Variants in HCN1 observed in about 807,000 individuals in gnomAD.
HCN1 encodes the protein potassium/sodium hyperpolarization-activated cyclic nucleotide-gated channel 1.
HCN1 carries 13 observed loss-of-function variants against 78.9 expected under a neutral mutation model. The ratio of observed to expected loss-of-function variants is 0.16; its 90% CI spans 0.11 to 0.26. The LOEUF (loss-of-function observed/expected upper bound fraction) is 0.26, where lower values mean the gene tolerates loss of function less well. HCN1 is among the 10% of genes least tolerant of loss of function. The probability of loss-of-function intolerance (pLI) is 1.00; values close to 1 mark genes in which losing one functional copy is unlikely to be tolerated. For missense variants in HCN1, 810 were observed against 1,154.3 expected, an observed-to-expected ratio of 0.70 and a Z score of 4.32; for synonymous variants, 552 against 455.5, an observed-to-expected ratio of 1.21 and a Z score of -2.70.
intron 5 of HCN1, among the ~76,000 whole-genome samples, chr5:45,341,776 A>T (rs974799027): frequency 1.1e-4 from 17 of 152,266 alleles, no homozygotes; most frequent in African/African-American, 4.1e-4. Flanking sequence ...ACATCTGCTT[A>T]TTATGAGAAT....
intron 4 of HCN1, among the ~76,000 whole-genome samples, chr5:45,379,121 C>T (rs1198382299): frequency 6.6e-6 from 1 of 152,048 alleles, no homozygotes; most frequent in East Asian, 1.9e-4. Context: ...ATTTATAATC[C>T]TTTGGGTATA....
At chr5:45,549,887 A>G (rs1444770541) in intron 2 of HCN1, among the ~76,000 whole-genome samples, 2 of 152,346 alleles carry the variant, frequency 1.3e-5, no homozygotes, top group Admixed American at 1.3e-4. Context: ...GCCAACAGAC[A>G]CATGAAAAAA....
intron 2 of HCN1, among the ~76,000 whole-genome samples, chr5:45,488,257 T>C (rs567450379): frequency 2.0e-5 from 3 of 152,264 alleles, no homozygotes; most frequent in African/African-American, 7.2e-5. Flanking sequence ...ATTGATTTCA[T>C]GAAATTATGT....
chr5:45,600,491 A>T (rs557031099), intron 2 of HCN1, among the ~76,000 whole-genome samples: 2 of 152,240 alleles, frequency 1.3e-5, no homozygotes, highest in Non-Finnish European at 2.9e-5. Context: ...AACCTGTGAA[A>T]ATATTCTTTT....
At chr5:45,655,838 A>T (rs1007805374) in intron 1 of HCN1, among the ~76,000 whole-genome samples, 1 of 152,176 alleles carries the variant, frequency 6.6e-6, no homozygotes, top group African/African-American at 2.4e-5. Flanking sequence ...CCACAAAGAT[A>T]TCTCACTGGT....
In HCN1 at chr5:45,259,407, T is replaced by C. The variant is rs1744685653; in HGVS notation, c.*2514A>G. 1 of 152,406 alleles carries C rather than the reference T, an allele frequency of 6.6e-6. No homozygotes were observed. Among genetic ancestry groups the C allele is most frequent in the Non-Finnish European group, 1.5e-5 (1 of 67,920 alleles). The allele number at this position is 152,406 out of a possible 1,614,324, so 9.4% of individuals were successfully genotyped here. ...ATCTTTCCAGCAGCAGAAAGACCAA[T>C]GAATAATACATTTCTTTCTGTACAG... On this transcript the variant is annotated 3_prime_UTR_variant, in exon 8 of 8. Coordinates refer to ENST00000303230, the MANE Select transcript of HCN1 (RefSeq NM_021072.4).
At chr5:45,439,760 G>A (rs1370357639) in intron 3 of HCN1, among the ~76,000 whole-genome samples, 1 of 151,898 alleles carries the variant, frequency 6.6e-6, no homozygotes, top group Admixed American at 6.6e-5. Context: ...TTTTAAAATA[G>A]CTAGCTAATG....
chr5:45,535,489 T>A (rs1193217870), intron 2 of HCN1, among the ~76,000 whole-genome samples: 1 of 152,026 alleles, frequency 6.6e-6, no homozygotes, highest in Non-Finnish European at 1.5e-5. Context: ...TCCCAGCTAC[T>A]TGGGTGGCTG....
At chr5:45,300,731 C>A (rs115157740) in intron 6 of HCN1, among the ~76,000 whole-genome samples, 1 of 152,226 alleles carries the variant, frequency 6.6e-6, no homozygotes, top group African/African-American at 2.4e-5. Context: ...TCAAGATCAA[C>A]TGTATACTTT....
chr5:45,543,597 T>C (rs1743147540), intron 2 of HCN1, among the ~76,000 whole-genome samples: 1 of 152,112 alleles, frequency 6.6e-6, no homozygotes, highest in African/African-American at 2.4e-5. Flanking sequence ...AATCCAGCTC[T>C]AAATAATCCT....
At chr5:45,314,932 C>A (rs1215548874) in intron 5 of HCN1, among the ~76,000 whole-genome samples, 1 of 152,140 alleles carries the variant, frequency 6.6e-6, no homozygotes, top group Non-Finnish European at 1.5e-5. Context: ...TAGAGACCTA[C>A]AAAGAGACCT....
At position 45,303,579 on chromosome 5, in the gene HCN1, G is replaced by C; in HGVS notation, c.1618+20C>G. The C allele has an allele frequency of 2.5e-6, 4 of 1,612,284 alleles. No individual in the cohort carries two copies. The highest frequency in any genetic ancestry group is 3.4e-6 in the Non-Finnish European group (4 of 1,179,008). The stretch of plus-strand genomic sequence containing the variant: ...CTCAAGCAGTTTAGATTTCATCTTA[G>C]TTGCATCTTTTTTACTAACCTCCAA... On this transcript the variant is annotated intron_variant, in intron 6 of 7. Transcript: ENST00000303230.
At chr5:45,271,638 G>A (rs1315464936) in intron 6 of HCN1, among the ~76,000 whole-genome samples, 2 of 152,100 alleles carry the variant, frequency 1.3e-5, no homozygotes, top group Admixed American at 6.6e-5. Context: ...TATCTGTAAA[G>A]TCTCATTAAT....
At chr5:45,560,238 T>C (rs1018244435) in intron 2 of HCN1, among the ~76,000 whole-genome samples, 16 of 152,164 alleles carry the variant, frequency 1.1e-4, no homozygotes, top group African/African-American at 3.4e-4. Context: ...GGTATACGTA[T>C]ATAATGTTTG....
At chr5:45,307,947 G>C (rs1745770151) in intron 5 of HCN1, among the ~76,000 whole-genome samples, 1 of 152,104 alleles carries the variant, frequency 6.6e-6, no homozygotes, top group Non-Finnish European at 1.5e-5. Context: ...TGCTGATATA[G>C]TTTGGATGCT....
At chr5:45,347,921 A>G (rs893874445) in intron 5 of HCN1, among the ~76,000 whole-genome samples, 17 of 152,238 alleles carry the variant, frequency 1.1e-4, no homozygotes, top group African/African-American at 4.1e-4. Flanking sequence ...GGAGAATGGA[A>G]CCAAGTTGGA....
At chr5:45,499,477 C>T (rs536831493) in intron 2 of HCN1, among the ~76,000 whole-genome samples, 275 of 152,274 alleles carry the variant, frequency 1.8e-3, no homozygotes, top group African/African-American at 6.2e-3. Flanking sequence ...CACTGACCTG[C>T]GCCCACTGTC....
At chr5:45,447,676 G>A (rs959735267) in intron 3 of HCN1, among the ~76,000 whole-genome samples, 5 of 152,140 alleles carry the variant, frequency 3.3e-5, no homozygotes, top group South Asian at 2.1e-4. Context: ...GAAAACATTC[G>A]CTCAACCTGT....
At chr5:45,695,086 C>T (rs1377343592) in intron 1 of HCN1, 3 of 153,144 alleles carry the variant, frequency 2.0e-5, no homozygotes, top group African/African-American at 4.8e-5. Context: ...GCAAATTGCC[C>T]TTCTTTTGCC....
Sources: allele counts gnomAD v4.1 joint callset (sites outside exome capture counted in the v4.1 genomes callset), GRCh38; gene constraint gnomAD v4.1.1; transcripts MANE v1.5; gene names NCBI Gene and HGNC (gene_info 2026-07-23, HGNC 2026-07-21).